The following PLPPR1 variants were observed in gnomAD, a reference collection of about 807,000 sequenced individuals.
PLPPR1 encodes phospholipid phosphatase-related protein type 1.
PLPPR1 carries 10 observed loss-of-function variants against 33.1 expected under a neutral mutation model. The observed-to-expected ratio is 0.30, with a 90% CI of 0.19 to 0.51. PLPPR1 has a LOEUF of 0.51. PLPPR1 is among the 20% of genes least tolerant of loss of function. PLPPR1 has a pLI of 0.97. For synonymous variants in PLPPR1, 151 were observed against 151.0 expected (o/e 1.00, Z 0.00); for missense variants, 304 against 408.1 (o/e 0.74, Z 2.20).
At chr9:101,239,060 A>AGTGT (rs60620773) in intron 2 of PLPPR1, among the ~76,000 whole-genome samples, 4,627 of 147,486 alleles carry the variant, frequency 0.031, 224 homozygotes, top group African/African-American at 0.11. Context: ...AATTTCATTG[A>AGTGT]GTGTGTGTGT....
At chr9:101,083,136 C>T (rs1011179308) in intron 1 of PLPPR1, among the ~76,000 whole-genome samples, 3 of 152,114 alleles carry the variant, frequency 2.0e-5, no homozygotes, top group Admixed American at 6.5e-5. Flanking sequence ...GGAACAGGAA[C>T]GTACACTAGT....
At chr9:101,234,949 T>C (rs1399910120) in intron 2 of PLPPR1, among the ~76,000 whole-genome samples, 1 of 151,994 alleles carries the variant, frequency 6.6e-6, no homozygotes, top group African/African-American at 2.4e-5. Flanking sequence ...TTCTAAGTTA[T>C]AAAACTAACA....
chr9:101,254,395 G>A (rs77512374), intron 2 of PLPPR1, among the ~76,000 whole-genome samples: 3,792 of 152,160 alleles, frequency 0.025, 72 homozygotes, highest in Non-Finnish European at 0.039. Context: ...TCATGTCACC[G>A]CTGATTTGAC....
chr9:101,266,367 G>A (rs551858300), intron 2 of PLPPR1, among the ~76,000 whole-genome samples: 2 of 149,050 alleles, frequency 1.3e-5, no homozygotes, highest in South Asian at 4.2e-4. Context: ...CTGCACTCCA[G>A]CCTGGAAGAC....
chr9:101,199,668 T>G (rs914721676), intron 2 of PLPPR1, among the ~76,000 whole-genome samples: 12 of 152,210 alleles, frequency 7.9e-5, no homozygotes, highest in African/African-American at 2.9e-4. Context: ...AGCTTATATT[T>G]GAGGACTGAG....
intron 2 of PLPPR1, among the ~76,000 whole-genome samples, chr9:101,221,929 T>C (rs1023656338): frequency 6.6e-6 from 1 of 152,136 alleles, no homozygotes; most frequent in Non-Finnish European, 1.5e-5. Flanking sequence ...GGAAAGAAAA[T>C]AGGAAAAAGA....
intron 4 of PLPPR1, 96 bp downstream of exon 4, chr9:101,286,332 A>C: frequency 8.4e-7 from 1 of 1,196,076 alleles, no homozygotes. Context: ...TATCAACATT[A>C]AAAGCAAGGG....
intron 3 of PLPPR1, among the ~76,000 whole-genome samples, chr9:101,279,622 C>T (rs191738344): frequency 6.6e-6 from 1 of 152,224 alleles, no homozygotes; most frequent in East Asian, 1.9e-4. Context: ...CAAGTATATT[C>T]TCTGACCACA....
At chr9:101,176,171 C>T (rs1826016113) in intron 1 of PLPPR1, among the ~76,000 whole-genome samples, 1 of 152,128 alleles carries the variant, frequency 6.6e-6, no homozygotes, top group South Asian at 2.1e-4. Context: ...TAGATAATAA[C>T]CTCTTGACCC....
At chr9:101,090,754 C>T (rs79506973) in intron 1 of PLPPR1, among the ~76,000 whole-genome samples, 8,094 of 144,056 alleles carry the variant, frequency 0.056, 384 homozygotes, top group African/African-American at 0.12. Context: ...AACAAACAAA[C>T]AGTAATGCAT....
chr9:101,092,047 C>T (rs922943380), intron 1 of PLPPR1, among the ~76,000 whole-genome samples: 6 of 152,296 alleles, frequency 3.9e-5, no homozygotes, highest in East Asian at 1.9e-4. Context: ...GACACTCTCT[C>T]CTTGCACCCT....
Position 101,124,264 on chromosome 9 carries a change from G to A in PLPPR1, c.-45-61186G>A, listed in dbSNP as rs139143353. On this transcript the variant is annotated intron_variant, in intron 1 of 7. Transcript: ENST00000374874. ...TTTCAAGAGGACCCTTAATTCTAGCGGTTGCAGAAGGATGAAGGTCCCTCT... is the reference window on the plus strand; with the variant it reads ...TTTCAAGAGGACCCTTAATTCTAGCAGTTGCAGAAGGATGAAGGTCCCTCT... Among the ~76,000 whole-genome samples the A allele has an allele frequency of 2.0e-3, 311 of 152,106 alleles. 3 individuals carry two copies. Among genetic ancestry groups the A allele is most frequent in the Admixed American group, 4.2e-3 (64 of 15,280 alleles).
At chr9:101,098,037 C>T (rs200758087) in intron 1 of PLPPR1, among the ~76,000 whole-genome samples, 1 of 65,646 alleles carries the variant, frequency 1.5e-5, no homozygotes, top group Non-Finnish European at 4.5e-5. Flanking sequence ...TGCTTTTTTT[C>T]CCCCTCCCAG....
intron 2 of PLPPR1, among the ~76,000 whole-genome samples, chr9:101,265,711 A>G (rs76370441): frequency 0.045 from 6,852 of 152,256 alleles, 491 homozygotes; most frequent in African/African-American, 0.16. Context: ...ATATGGTCAC[A>G]GGAGGCCGGG....
intron 2 of PLPPR1, among the ~76,000 whole-genome samples, chr9:101,250,327 CCT>C (rs1827693366): frequency 6.6e-6 from 1 of 152,042 alleles, no homozygotes; most frequent in Non-Finnish European, 1.5e-5. Flanking sequence ...CTGATTCCAT[CCT>C]CCTCCTTTTC....
At chr9:101,112,568 A>G (rs931365466) in intron 1 of PLPPR1, among the ~76,000 whole-genome samples, 1 of 152,182 alleles carries the variant, frequency 6.6e-6, no homozygotes, top group Non-Finnish European at 1.5e-5. Flanking sequence ...TCCTCCTGGC[A>G]TGCAGTAATT....
chr9:101,230,316 T>C (rs1228474068), intron 2 of PLPPR1, among the ~76,000 whole-genome samples: 3 of 152,144 alleles, frequency 2.0e-5, no homozygotes, highest in Non-Finnish European at 2.9e-5. Flanking sequence ...AGATGACTGA[T>C]GCTCACAGAA....
At chr9:101,141,184 T>C (rs1290808988) in intron 1 of PLPPR1, among the ~76,000 whole-genome samples, 5 of 152,162 alleles carry the variant, frequency 3.3e-5, no homozygotes, top group Non-Finnish European at 7.3e-5. Flanking sequence ...GAGATCAGTC[T>C]CCTAGGAGAA....
chr9:101,250,696 G>A (rs1405246225), intron 2 of PLPPR1, among the ~76,000 whole-genome samples: 1 of 152,034 alleles, frequency 6.6e-6, no homozygotes, highest in Non-Finnish European at 1.5e-5. Flanking sequence ...GTTATACATA[G>A]TTGTTAAAAA....
Sources: allele counts gnomAD v4.1 joint callset (sites outside exome capture counted in the v4.1 genomes callset), GRCh38; gene constraint gnomAD v4.1.1; transcripts MANE v1.5; gene names NCBI Gene and HGNC (gene_info 2026-07-23, HGNC 2026-07-21).